The following ADGRV1 variants were observed in gnomAD, a reference collection of about 807,000 sequenced individuals.
The protein encoded by ADGRV1 is adhesion G protein-coupled receptor V1, also known as G-protein coupled receptor 98.
A neutral mutation model predicts 596.2 loss-of-function variants in ADGRV1; 359 were observed. The observed-to-expected ratio is 0.60, with a 90% CI of 0.55 to 0.66. The LOEUF is 0.66. ADGRV1 is among the 30% of genes least tolerant of loss of function. The probability of loss-of-function intolerance (pLI) is 0.00; values close to 1 mark genes in which losing one functional copy is unlikely to be tolerated. For synonymous variants in ADGRV1, 2,681 were observed against 2,679.2 expected, an observed-to-expected ratio of 1.00 and a Z score of -0.02; for missense variants, 7,274 against 7,575.6, an observed-to-expected ratio of 0.96 and a Z score of 1.48.
chr5:90,665,704 T>G (rs1303503958), intron 21 of ADGRV1, among the ~76,000 whole-genome samples: 1 of 149,476 alleles, frequency 6.7e-6, no homozygotes. Context: ...AATTGTGATG[T>G]TAGGGTGTCA....
At chr5:91,069,989 A>G (rs899524991) in intron 85 of ADGRV1, among the ~76,000 whole-genome samples, 2 of 151,922 alleles carry the variant, frequency 1.3e-5, no homozygotes, top group Non-Finnish European at 2.9e-5. Flanking sequence ...CCATTATTCT[A>G]GGCAAATTAA....
intron 59 of ADGRV1, among the ~76,000 whole-genome samples, chr5:90,771,265 G>A (rs28460131): frequency 0.013 from 1,969 of 152,182 alleles, 48 homozygotes; most frequent in African/African-American, 0.045. Context: ...GATATGGGAA[G>A]TAGCCACTGA....
intron 14 of ADGRV1, among the ~76,000 whole-genome samples, chr5:90,644,220 T>C (rs1490349721): frequency 6.6e-6 from 1 of 152,134 alleles, no homozygotes; most frequent in Non-Finnish European, 1.5e-5. Context: ...GCATATGCAG[T>C]GCAACTCAAA....
chr5:90,782,992 G>C, intron 65 of ADGRV1, 132 bp from the exon 66 acceptor site: 1 of 704,520 alleles, frequency 1.4e-6, no homozygotes, highest in East Asian at 2.5e-5. Flanking sequence ...CCTTTAAAAT[G>C]ATAAAAGAAC....
intron 83 of ADGRV1, among the ~76,000 whole-genome samples, chr5:90,921,996 C>T (rs1013341072): frequency 6.6e-6 from 1 of 152,140 alleles, no homozygotes; most frequent in African/African-American, 2.4e-5. Flanking sequence ...TCTATTCACA[C>T]TCTACTGGTT....
At chr5:91,076,156 CA>C (rs1788839240) in intron 86 of ADGRV1, among the ~76,000 whole-genome samples, 1 of 152,174 alleles carries the variant, frequency 6.6e-6, no homozygotes, top group Non-Finnish European at 1.5e-5. Context: ...TTGACAATCA[CA>C]AGTTAATTCT....
At chr5:90,972,267 C>A (rs983053760) in intron 84 of ADGRV1, among the ~76,000 whole-genome samples, 78 of 152,012 alleles carry the variant, frequency 5.1e-4, no homozygotes, top group Non-Finnish European at 9.6e-4. Context: ...ACTTTAACAC[C>A]CCACTGTCAA....
intron 48 of ADGRV1, among the ~76,000 whole-genome samples, chr5:90,727,586 G>T (rs1336183330): frequency 6.6e-6 from 1 of 152,120 alleles, no homozygotes; most frequent in Non-Finnish European, 1.5e-5. Context: ...ATTATACTTA[G>T]AATAAATTTG....
At chr5:91,017,057 T>C (rs2151170944) in intron 85 of ADGRV1, among the ~76,000 whole-genome samples, 1 of 152,056 alleles carries the variant, frequency 6.6e-6, no homozygotes, top group East Asian at 1.9e-4. Context: ...TACCAAGCAG[T>C]CCACAAGAAT....
chr5:90,934,837 A>G (rs969372008), intron 83 of ADGRV1, among the ~76,000 whole-genome samples: 30 of 152,202 alleles, frequency 2.0e-4, no homozygotes, highest in Admixed American at 7.2e-4. Flanking sequence ...GGTGGCCTCT[A>G]GCTCACTGTG....
chr5:90,794,307 T>C (rs1239331624), intron 70 of ADGRV1, among the ~76,000 whole-genome samples: 1 of 152,244 alleles, frequency 6.6e-6, no homozygotes, highest in Admixed American at 6.5e-5. Flanking sequence ...GTGTCAACTG[T>C]TAGCACCTGG....
intron 83 of ADGRV1, among the ~76,000 whole-genome samples, chr5:90,937,071 A>G (rs1169009254): frequency 6.6e-6 from 1 of 152,054 alleles, no homozygotes; most frequent in Non-Finnish European, 1.5e-5. Context: ...GATAATTTGT[A>G]TTTTCTCCTT....
chr5:90,675,841 A>G (rs879378930), intron 24 of ADGRV1, among the ~76,000 whole-genome samples: 2 of 151,556 alleles, frequency 1.3e-5, no homozygotes, highest in Admixed American at 1.3e-4. Context: ...AGAAAGAAAG[A>G]AAAAAGAAAT....
intron 28 of ADGRV1, among the ~76,000 whole-genome samples, chr5:90,685,065 T>C (rs548527947): frequency 9.7e-4 from 148 of 152,302 alleles, no homozygotes; most frequent in Non-Finnish European, 1.4e-3. Flanking sequence ...AAAGTGATGA[T>C]TAATTATACT....
chr5:90,829,222 G>A (rs1434371090), intron 77 of ADGRV1, 36 bp downstream of exon 77: 1 of 1,380,934 alleles, frequency 7.2e-7, no homozygotes, highest in Non-Finnish European at 9.5e-7. Context: ...ACACGTTATG[G>A]TTTTCTTCTT....
chr5:91,055,008 C>A (rs962301787), intron 85 of ADGRV1, among the ~76,000 whole-genome samples: 1 of 152,170 alleles, frequency 6.6e-6, no homozygotes, highest in Non-Finnish European at 1.5e-5. Flanking sequence ...GTAGGATTTA[C>A]TGTAGACAGT....
intron 87 of ADGRV1, among the ~76,000 whole-genome samples, chr5:91,138,034 C>T (rs1006742120): frequency 3.3e-5 from 5 of 152,064 alleles, no homozygotes; most frequent in African/African-American, 7.2e-5. Flanking sequence ...CTGTCGTTGC[C>T]GGTTGAGTGA....
At chr5:90,714,207 G>A (rs1012344285) in intron 42 of ADGRV1, among the ~76,000 whole-genome samples, 1 of 150,640 alleles carries the variant, frequency 6.6e-6, no homozygotes, top group African/African-American at 2.4e-5. Context: ...AAAATGTGTG[G>A]TTGTATTATA....
intron 83 of ADGRV1, among the ~76,000 whole-genome samples, chr5:90,899,994 C>T (rs1771688577): frequency 6.6e-6 from 1 of 152,156 alleles, no homozygotes; most frequent in South Asian, 2.1e-4. Flanking sequence ...TTGTCTTAAC[C>T]GATCCGTCAG....
Sources: allele counts gnomAD v4.1 joint callset (sites outside exome capture counted in the v4.1 genomes callset), GRCh38; gene constraint gnomAD v4.1.1; transcripts MANE v1.5; gene names NCBI Gene and HGNC (gene_info 2026-07-23, HGNC 2026-07-21).